The following DNAI7 variants were observed in gnomAD, a reference collection of about 807,000 sequenced individuals.
DNAI7 encodes the protein dynein axonemal intermediate chain 7.
Under a neutral mutation model 86.6 loss-of-function variants are expected in DNAI7, and 78 were observed. The ratio of observed to expected loss-of-function variants is 0.90; its 90% CI spans 0.75 to 1.09. DNAI7 has a LOEUF of 1.09. Ranked by LOEUF, DNAI7 falls within the 50% of genes least tolerant of loss-of-function variation. DNAI7 has a pLI of 0.00. For missense variants in DNAI7, 753 were observed against 810.2 expected, an observed-to-expected ratio of 0.93 and a Z score of 0.86; for synonymous variants, 274 against 273.0, an observed-to-expected ratio of 1.00 and a Z score of -0.04.
chr12:25,125,713 G>T lies in DNAI7; in HGVS notation c.1003-2427C>A, dbSNP rs140819453. Among the ~76,000 whole-genome samples, 205 of 152,266 alleles carry T rather than the reference G, an allele frequency of 1.3e-3. 1 individual carries two copies. The highest frequency in any genetic ancestry group is 4.8e-3 in the African/African-American group (199 of 41,550). ...CTATGTCCAGGATTGTATTGCCTGG[G>T]TTGTCTTTCAGGGTTTTTATAATTT... On this transcript the variant is annotated intron_variant, in intron 9 of 15. Transcript: ENST00000395987.
At chr12:25,183,856 A>C (rs11047878) in intron 2 of DNAI7, among the ~76,000 whole-genome samples, 28,238 of 152,074 alleles carry the variant, frequency 0.19, 2,734 homozygotes, top group Middle Eastern at 0.23. Flanking sequence ...ATACTATCTT[A>C]CTTTTGAGTG....
chr12:25,143,632 A>G (rs1944478338), intron 9 of DNAI7, among the ~76,000 whole-genome samples: 2 of 152,238 alleles, frequency 1.3e-5, no homozygotes, highest in Admixed American at 1.3e-4. Context: ...ATTCAATCTA[A>G]TCCTTAATCC....
At chr12:25,129,629 T>C (rs988913835) in intron 9 of DNAI7, among the ~76,000 whole-genome samples, 2 of 152,234 alleles carry the variant, frequency 1.3e-5, no homozygotes, top group Non-Finnish European at 2.9e-5. Context: ...CTTTTCCCTC[T>C]GACCAGAATA....
intron 10 of DNAI7, among the ~76,000 whole-genome samples, chr12:25,122,448 C>CAAAAAAA (rs34138209): frequency 1.3e-5 from 1 of 76,650 alleles, no homozygotes. Flanking sequence ...GATCTCATCT[C>CAAAAAAA]AAAAAAAAAA....
intron 2 of DNAI7, among the ~76,000 whole-genome samples, chr12:25,174,601 T>TC (rs1948710403): frequency 2.4e-5 from 3 of 126,440 alleles, no homozygotes; most frequent in South Asian, 2.3e-4. Context: ...GGGATATATA[T>TC]ATGATATATA....
chr12:25,145,922 T>TA (rs1245400141), intron 8 of DNAI7, among the ~76,000 whole-genome samples: 1 of 152,182 alleles, frequency 6.6e-6, no homozygotes, highest in Non-Finnish European at 1.5e-5. Context: ...GAAATACACA[T>TA]ATGAAAACCT....
chr12:25,131,339 A>G (rs1942899714), intron 9 of DNAI7, among the ~76,000 whole-genome samples: 1 of 152,176 alleles, frequency 6.6e-6, no homozygotes, highest in Non-Finnish European at 1.5e-5. Context: ...TCACACACAC[A>G]AATTGTGTTA....
At chr12:25,158,280 C>A (rs961640858) in intron 4 of DNAI7, among the ~76,000 whole-genome samples, 192 bp downstream of exon 4, 1 of 151,960 alleles carries the variant, frequency 6.6e-6, no homozygotes, top group African/African-American at 2.4e-5. Flanking sequence ...TGATTAGATG[C>A]TTAATTTCTC....
chr12:25,190,387 AT>A (rs1399427920), intron 2 of DNAI7, among the ~76,000 whole-genome samples: 5 of 152,200 alleles, frequency 3.3e-5, no homozygotes, highest in African/African-American at 1.2e-4. Flanking sequence ...ATTAAAAGCT[AT>A]TTTTAAGAGT....
intron 10 of DNAI7, among the ~76,000 whole-genome samples, chr12:25,122,284 C>T (rs1941427264): frequency 6.6e-6 from 1 of 151,448 alleles, no homozygotes; most frequent in African/African-American, 2.4e-5. Context: ...ATAGCAAGAC[C>T]CCATCTCTAT....
chr12:25,162,156 A>T (rs1946902317), intron 2 of DNAI7, among the ~76,000 whole-genome samples: 1 of 151,254 alleles, frequency 6.6e-6, no homozygotes, highest in Non-Finnish European at 1.5e-5. Context: ...CTGAATGGGC[A>T]CTGGATGGGC....
At chr12:25,127,777 T>G (rs1354263871) in intron 9 of DNAI7, among the ~76,000 whole-genome samples, 1 of 152,146 alleles carries the variant, frequency 6.6e-6, no homozygotes, top group Admixed American at 6.5e-5. Flanking sequence ...GAATTTGATA[T>G]AAAAACATAA....
chr12:25,113,908 A>C (rs1035680954), intron 13 of DNAI7, among the ~76,000 whole-genome samples: 2 of 145,612 alleles, frequency 1.4e-5, no homozygotes, highest in Non-Finnish European at 3.0e-5. Context: ...CAAACATTAC[A>C]GGCTATGTAA....
Position 25,174,668 on chromosome 12 carries a change from AAT to A in DNAI7, c.22-13473_22-13472del, listed in dbSNP as rs1163251843. 2.5e-5 allele frequency among the ~76,000 whole-genome samples: 3 copies of A among 120,302 alleles called. 1 individual carries two copies. The Admixed American group carries it at 2.7e-4, about 11-fold the overall frequency. The allele number at this position is 120,302 out of a possible 152,430, so 78.9% of individuals were successfully genotyped here. A position where few individuals can be genotyped will look rare whatever the true frequency, so the allele number is the denominator to read the frequency against. ...TGGAATATAGATATCATATATATGG[AAT>A]ATATATATCATATATATATGGAATA... On this transcript the variant is annotated intron_variant, in intron 2 of 15. Transcript: ENST00000395987.
intron 4 of DNAI7, among the ~76,000 whole-genome samples, chr12:25,158,247 G>A (rs1252810885): frequency 6.6e-6 from 1 of 151,788 alleles, no homozygotes; most frequent in East Asian, 1.9e-4. Context: ...AAAAAAAGAA[G>A]ATCCAAGTCT....
At chr12:25,121,988 C>A (rs1196889669) in intron 10 of DNAI7, 75 bp from the exon 11 acceptor site, 9 of 1,023,090 alleles carry the variant, frequency 8.8e-6, no homozygotes, top group Non-Finnish European at 1.1e-5. Context: ...TTTAAAAATT[C>A]TCATACTGGT....
In DNAI7 at chr12:25,111,915, T is replaced by C. The variant is rs199556179; in HGVS notation, c.1636A>G (p.Ile546Val). ...IKENLCMLSS[I>V]KLKDKKHISI... ...ATGTGTTTCTTGTCTTTTAGTTTGA[T>C]TGAAGATAACATGCAGAGGTTTTCC... is the stretch of plus-strand genomic sequence containing the variant. Residue 546 changes from isoleucine (I) to valine (V), a missense_variant, in exon 14 of 16, where the codon ATC (isoleucine) becomes GTC (valine). By Grantham distance (29) the Ile-to-Val change is conservative. Coordinates refer to ENST00000395987, the MANE Select transcript of DNAI7 (RefSeq NM_018272.5). 1.5e-4 allele frequency: 240 copies of C among 1,597,904 alleles called. No individual in the cohort carries two copies. Among genetic ancestry groups the C allele is most frequent in the Non-Finnish European group, 1.9e-4 (223 of 1,173,718 alleles).
chr12:25,161,374 G>A (rs983667482), intron 2 of DNAI7, among the ~76,000 whole-genome samples, 177 bp from the exon 3 acceptor site: 1 of 152,146 alleles, frequency 6.6e-6, no homozygotes, highest in African/African-American at 2.4e-5. Context: ...TGCACTGAAG[G>A]ACAAAGTCTG....
chr12:25,139,331 G>A (rs1943919350), intron 9 of DNAI7, among the ~76,000 whole-genome samples: 1 of 152,124 alleles, frequency 6.6e-6, no homozygotes, highest in African/African-American at 2.4e-5. Flanking sequence ...AAAAGGTAGA[G>A]AAAGAGGGAA....
Sources: gnomAD v4.1 joint callset for allele counts (sites outside exome capture counted in the v4.1 genomes callset) on GRCh38, gnomAD v4.1.1 for gene constraint, MANE v1.5 for transcripts, NCBI Gene and HGNC (gene_info 2026-07-23, HGNC 2026-07-21) for gene names.